Variants in NOS1AP observed in about 807,000 individuals in gnomAD.
NOS1AP encodes the protein nitric oxide synthase 1 adaptor protein.
In NOS1AP, 21 loss-of-function variants were observed where a neutral mutation model predicts 56.2. That is an observed-to-expected ratio of 0.37 (90% confidence interval 0.26 to 0.54). NOS1AP has a LOEUF of 0.54. NOS1AP is among the 20% of genes least tolerant of loss of function. NOS1AP has a pLI of 0.84. For missense variants in NOS1AP, 522 were observed against 657.8 expected, an observed-to-expected ratio of 0.79 and a Z score of 2.26; for synonymous variants, 270 against 274.6, an observed-to-expected ratio of 0.98 and a Z score of 0.17.
At chr1:162,314,775 A>G (rs1332697512) in intron 4 of NOS1AP, among the ~76,000 whole-genome samples, 3 of 152,216 alleles carry the variant, frequency 2.0e-5, no homozygotes, top group African/African-American at 7.2e-5. Context: ...CATGTACCCC[A>G]GAGTCCTGCA....
intron 1 of NOS1AP, among the ~76,000 whole-genome samples, chr1:162,107,433 A>C (rs947648092): frequency 2.6e-5 from 4 of 152,230 alleles, no homozygotes; most frequent in Non-Finnish European, 4.4e-5. Flanking sequence ...TCCTAGGCTC[A>C]AGTGATCCTC....
At position 162,357,127 on chromosome 1, in the gene NOS1AP, T is replaced by C. The variant is rs1045512250; in HGVS notation, c.930T>C (p.Ala310=). The C allele has an allele frequency of 6.2e-6, 10 of 1,606,928 alleles. No homozygotes were observed. Among genetic ancestry groups the C allele is most frequent in the Non-Finnish European group, 8.5e-6 (10 of 1,179,800 alleles). Residue 310 remains alanine (A), a synonymous_variant, in exon 8 of 10, where the codon GCT becomes GCC. Transcript: ENST00000361897. ...LQQQQQQTQV[A]VAQVHLLKDQ... is the part of the protein sequence containing the mutation. ...AGCAGCAGCAGCAGACACAAGTGGC[T>C]GTGGCCCAGGTTCTCCTCAGCCTCC... is the stretch of plus-strand genomic sequence containing the variant.
intron 2 of NOS1AP, among the ~76,000 whole-genome samples, chr1:162,197,234 C>A (rs982731779): frequency 1.3e-5 from 2 of 152,210 alleles, no homozygotes; most frequent in African/African-American, 4.8e-5. Flanking sequence ...AGACCACACA[C>A]GGGCAAGCCT....
intron 2 of NOS1AP, among the ~76,000 whole-genome samples, chr1:162,163,297 G>A (rs1650317373): frequency 6.6e-6 from 1 of 152,096 alleles, no homozygotes; most frequent in Non-Finnish European, 1.5e-5. Context: ...AGCGTGTGAT[G>A]GAATGATTAG....
intron 2 of NOS1AP, among the ~76,000 whole-genome samples, chr1:162,281,673 AC>A (rs1365365391): frequency 1.3e-5 from 2 of 152,228 alleles, no homozygotes; most frequent in African/African-American, 4.8e-5. Flanking sequence ...AGTGTGGAAA[AC>A]TATGGCATGT....
intron 1 of NOS1AP, among the ~76,000 whole-genome samples, chr1:162,154,144 T>A (rs184995180): frequency 3.5e-4 from 53 of 152,342 alleles, no homozygotes; most frequent in Non-Finnish European, 7.1e-4. Context: ...CAAGGCTTTC[T>A]GGCTTGAAAG....
At chr1:162,256,561 G>A (rs918654331) in intron 2 of NOS1AP, among the ~76,000 whole-genome samples, 1 of 152,152 alleles carries the variant, frequency 6.6e-6, no homozygotes, top group African/African-American at 2.4e-5. Flanking sequence ...GGCCACATTT[G>A]CTTCACCTTT....
chr1:162,332,355 T>C (rs1441094594), intron 4 of NOS1AP, among the ~76,000 whole-genome samples: 1 of 152,184 alleles, frequency 6.6e-6, no homozygotes, highest in East Asian at 1.9e-4. Context: ...TTATTTTATA[T>C]TTGCTTATTT....
intron 4 of NOS1AP, among the ~76,000 whole-genome samples, chr1:162,309,143 G>T (rs1215504230): frequency 6.6e-6 from 1 of 152,318 alleles, no homozygotes; most frequent in Admixed American, 6.5e-5. Flanking sequence ...GCTATTCTGT[G>T]ATATTTGGGA....
At position 162,070,039 on chromosome 1, in the gene NOS1AP, G is replaced by T. The variant is rs1691626588; in HGVS notation, c.-139G>T. ...ACCGCTCCGGGTCCGGCCGCCGCGCGGCCAGGGCTCCCCCTGCCCAGCGCT... is the reference window on the plus strand; with the variant it reads ...ACCGCTCCGGGTCCGGCCGCCGCGCTGCCAGGGCTCCCCCTGCCCAGCGCT... On this transcript the variant is annotated 5_prime_UTR_variant, in exon 1 of 10. Coordinates refer to ENST00000361897, the MANE Select transcript of NOS1AP (RefSeq NM_014697.3). 2 of 521,102 alleles carry T rather than the reference G, an allele frequency of 3.8e-6. No homozygotes were observed. The highest frequency in any genetic ancestry group is 6.4e-5 in the South Asian group (2 of 31,022). The allele number at this position is 521,102 out of a possible 1,614,324, so 32.3% of individuals were successfully genotyped here.
chr1:162,282,876 T>A (rs141645322), intron 2 of NOS1AP, among the ~76,000 whole-genome samples: 268 of 152,332 alleles, frequency 1.8e-3, no homozygotes, highest in African/African-American at 6.1e-3. Flanking sequence ...TTTGAGCACC[T>A]TGACTCATAA....
chr1:162,275,115 G>A (rs574436384), intron 2 of NOS1AP, among the ~76,000 whole-genome samples: 14 of 152,120 alleles, frequency 9.2e-5, no homozygotes, highest in African/African-American at 2.9e-4. Context: ...CATGCTTTTG[G>A]TATCATATGT....
At chr1:162,363,008 T>C (rs1414910555) in intron 8 of NOS1AP, 5 of 624,274 alleles carry the variant, frequency 8.0e-6, no homozygotes, top group Non-Finnish European at 1.0e-5. Context: ...TGGGGCTTTT[T>C]CCCACACACC....
chr1:162,291,359 A>T (rs1473800187), intron 3 of NOS1AP, among the ~76,000 whole-genome samples: 3 of 152,180 alleles, frequency 2.0e-5, no homozygotes, highest in African/African-American at 7.2e-5. Flanking sequence ...ATTGAACATT[A>T]TTTGTGTGTA....
At chr1:162,140,700 C>T (rs1160765760) in intron 1 of NOS1AP, among the ~76,000 whole-genome samples, 2 of 152,130 alleles carry the variant, frequency 1.3e-5, no homozygotes, top group Non-Finnish European at 2.9e-5. Flanking sequence ...TAGTTCAGCT[C>T]TTAGTTCTTT....
At chr1:162,177,890 G>T (rs1304735073) in intron 2 of NOS1AP, among the ~76,000 whole-genome samples, 1 of 152,090 alleles carries the variant, frequency 6.6e-6, no homozygotes, top group Non-Finnish European at 1.5e-5. Flanking sequence ...TTCATTCTTG[G>T]TGTTGTGCAT....
intron 2 of NOS1AP, among the ~76,000 whole-genome samples, chr1:162,287,008 T>C (rs1048548787): frequency 3.9e-5 from 6 of 152,224 alleles, no homozygotes; most frequent in African/African-American, 1.4e-4. Context: ...CTAGGAATAC[T>C]TGCCTGACCG....
chr1:162,366,926 CG>C, intron 9 of NOS1AP, 125 bp from the exon 10 acceptor site: 1 of 1,059,470 alleles, frequency 9.4e-7, no homozygotes, highest in Non-Finnish European at 1.5e-6. Context: ...ACCCAAAGCC[CG>C]GAGAGGTGCT....
chr1:162,137,291 G>A (rs1487977874), intron 1 of NOS1AP, among the ~76,000 whole-genome samples: 1 of 152,130 alleles, frequency 6.6e-6, no homozygotes, highest in African/African-American at 2.4e-5. Context: ...TTCAAATTCT[G>A]GGCCACTCCT....
Sources: allele counts gnomAD v4.1 joint callset (sites outside exome capture counted in the v4.1 genomes callset), GRCh38; gene constraint gnomAD v4.1.1; transcripts MANE v1.5; gene names NCBI Gene and HGNC (gene_info 2026-07-23, HGNC 2026-07-21).